Variants in ITPK1 observed in about 807,000 individuals in gnomAD.
ITPK1 encodes inositol-tetrakisphosphate 1-kinase, also known as inositol 1,3,4-trisphosphate 5/6-kinase.
ITPK1 carries 21 observed loss-of-function variants against 45.3 expected under a neutral mutation model. The observed-to-expected ratio is 0.46, with a 90% CI of 0.33 to 0.67. ITPK1 has a LOEUF of 0.67. Ranked by LOEUF, ITPK1 falls within the 30% of genes least tolerant of loss-of-function variation. The pLI is 0.02. For missense variants in ITPK1, 474 were observed against 573.5 expected (o/e 0.83, Z 1.77); for synonymous variants, 258 against 253.6 (o/e 1.02, Z -0.16).
At chr14:93,020,798 TTCCTTG>T (rs1466938303) in intron 3 of ITPK1, among the ~76,000 whole-genome samples, 1 of 152,092 alleles carries the variant, frequency 6.6e-6, no homozygotes, top group Admixed American at 6.6e-5. Context: ...GAACCTCAGT[TTCCTTG>T]TCTTTAAAGC....
chr14:92,986,353 AG>A lies in ITPK1; in HGVS notation c.364+7526del, dbSNP rs547472248. Among the ~76,000 whole-genome samples, 29 of 152,302 alleles carry A rather than the reference AG, an allele frequency of 1.9e-4. No homozygotes were observed. The East Asian group carries it at 4.6e-3, about 24-fold the overall frequency. On this transcript the variant is annotated intron_variant, in intron 5 of 10. Transcript: ENST00000267615. Reference sequence around the variant, plus strand: ...GGGAGCCAGGAGACTCAGTGTGAGTAGGGGGAAGAAAGCCTGGGAGTGGAGT... The same window carrying A: ...GGGAGCCAGGAGACTCAGTGTGAGTAGGGGAAGAAAGCCTGGGAGTGGAGT...
chr14:93,015,635 G>A (rs925594150), intron 4 of ITPK1, among the ~76,000 whole-genome samples: 2 of 152,242 alleles, frequency 1.3e-5, no homozygotes, highest in African/African-American at 4.8e-5. Context: ...AGGGCACAAC[G>A]TGGGACATGC....
intron 5 of ITPK1, among the ~76,000 whole-genome samples, chr14:92,975,733 A>G (rs113852185): frequency 0.016 from 2,456 of 152,290 alleles, 80 homozygotes; most frequent in African/African-American, 0.057. Context: ...AAGCTGGGAC[A>G]TCAGTCTCCT....
At chr14:93,050,339 T>G (rs1283552598) in intron 3 of ITPK1, among the ~76,000 whole-genome samples, 1 of 152,128 alleles carries the variant, frequency 6.6e-6, no homozygotes, top group Non-Finnish European at 1.5e-5. Context: ...TCCACTCCCC[T>G]ACCTGGCTGC....
chr14:93,073,919 C>A (rs1392063532), intron 3 of ITPK1, among the ~76,000 whole-genome samples: 1 of 152,176 alleles, frequency 6.6e-6, no homozygotes, highest in Non-Finnish European at 1.5e-5. Context: ...ACACAGGAAA[C>A]ACAGGAAGAC....
intron 5 of ITPK1, among the ~76,000 whole-genome samples, chr14:92,988,233 C>T (rs993680743): frequency 7.9e-5 from 12 of 152,320 alleles, no homozygotes; most frequent in Admixed American, 7.8e-4. Context: ...CTCACCTCAG[C>T]CCTGTGGTCT....
chr14:93,009,110 A>G (rs551087435), intron 4 of ITPK1, among the ~76,000 whole-genome samples: 27 of 152,286 alleles, frequency 1.8e-4, no homozygotes, highest in African/African-American at 6.5e-4. Flanking sequence ...GGCATCTGGT[A>G]ATGAGCAGCC....
chr14:93,106,760 C>G (rs887078350), intron 2 of ITPK1, among the ~76,000 whole-genome samples: 2 of 152,160 alleles, frequency 1.3e-5, no homozygotes, highest in Non-Finnish European at 2.9e-5. Flanking sequence ...CAGCACAGGC[C>G]TGGCCAGGGC....
chr14:93,115,297 C>G lies in ITPK1; in HGVS notation c.-134G>C. ...CGCGGAACGGGGATCGGAGCTGGGG[C>G]GCGCAGTCCTGCCGCGCGGAGCGGA... is the stretch of plus-strand genomic sequence containing the variant. On this transcript the variant is annotated 5_prime_UTR_variant, in exon 2 of 11. Coordinates refer to ENST00000267615, the MANE Select transcript of ITPK1 (RefSeq NM_014216.6). The G allele has an allele frequency of 2.0e-6, 1 of 495,588 alleles. No individual in the cohort carries two copies. The highest frequency in any genetic ancestry group is 3.5e-6 in the Non-Finnish European group (1 of 287,510). The allele number at this position is 495,588 out of a possible 1,614,324, so 30.7% of individuals were successfully genotyped here. A position where few individuals can be genotyped will look rare whatever the true frequency, so the allele number is the denominator to read the frequency against.
At chr14:93,002,956 G>A (rs946843279) in intron 4 of ITPK1, among the ~76,000 whole-genome samples, 6 of 152,210 alleles carry the variant, frequency 3.9e-5, no homozygotes, top group African/African-American at 1.4e-4. Context: ...CAAGACAGAT[G>A]AAAGCAAATG....
At chr14:93,100,685 C>A (rs944324446) in intron 2 of ITPK1, among the ~76,000 whole-genome samples, 3 of 152,092 alleles carry the variant, frequency 2.0e-5, no homozygotes, top group Non-Finnish European at 4.4e-5. Context: ...CCTTTATTAC[C>A]GAACCCGCTC....
At chr14:92,991,342 C>T (rs974185475) in intron 5 of ITPK1, among the ~76,000 whole-genome samples, 56 of 152,088 alleles carry the variant, frequency 3.7e-4, no homozygotes, top group African/African-American at 1.2e-3. Flanking sequence ...CTCTGACCGC[C>T]CTCCTGGAAG....
At position 92,957,729 on chromosome 14, in the gene ITPK1, G is replaced by A. The variant is rs1884818261; in HGVS notation, c.670+472C>T. Among the ~76,000 whole-genome samples, 3 of 152,232 alleles carry A rather than the reference G, an allele frequency of 2.0e-5. No individual in the cohort carries two copies. The South Asian group carries it at 6.2e-4, about 31-fold the overall frequency. On this transcript the variant is annotated intron_variant, in intron 8 of 10. Transcript: ENST00000267615. ...TCTCACAGTCTGATTTACCCTGGCA[G>A]CTATGCAGGTAGCAGCAGGCAACTC... is the stretch of plus-strand genomic sequence containing the variant.
intron 3 of ITPK1, chr14:93,071,445 C>T (rs1890998667): frequency 1.3e-5 from 2 of 152,180 alleles, no homozygotes; most frequent in South Asian, 4.1e-4. Flanking sequence ...CAAACCAAAC[C>T]CCCACAAAAT....
intron 2 of ITPK1, among the ~76,000 whole-genome samples, chr14:93,094,682 T>C (rs1891995427): frequency 6.6e-6 from 1 of 152,218 alleles, no homozygotes; most frequent in Non-Finnish European, 1.5e-5. Flanking sequence ...CTCCACGTTC[T>C]TCACCACTTG....
intron 2 of ITPK1, among the ~76,000 whole-genome samples, chr14:93,078,128 C>T (rs187432595): frequency 3.0e-4 from 45 of 152,352 alleles, no homozygotes; most frequent in Middle Eastern, 3.4e-3. Context: ...TTTAGCTCAG[C>T]TCCTGGGCCC....
chr14:93,002,240 C>T (rs898259439), intron 4 of ITPK1, among the ~76,000 whole-genome samples: 1 of 152,136 alleles, frequency 6.6e-6, no homozygotes, highest in Non-Finnish European at 1.5e-5. Context: ...ACTCAGGAGG[C>T]TGAGGTGGGA....
chr14:93,111,165 A>C (rs540648798), intron 2 of ITPK1, among the ~76,000 whole-genome samples: 1 of 152,338 alleles, frequency 6.6e-6, no homozygotes, highest in African/African-American at 2.4e-5. Flanking sequence ...CAAATTTTAT[A>C]TGGAAAGCTT....
chr14:92,971,659 G>A (rs1885660070), intron 5 of ITPK1, among the ~76,000 whole-genome samples: 1 of 152,240 alleles, frequency 6.6e-6, no homozygotes, highest in African/African-American at 2.4e-5. Context: ...GACACTGCAG[G>A]GAGGAAGCTG....
Sources: gnomAD v4.1 joint callset for allele counts (sites outside exome capture counted in the v4.1 genomes callset) on GRCh38, gnomAD v4.1.1 for gene constraint, MANE v1.5 for transcripts, NCBI Gene and HGNC (gene_info 2026-07-23, HGNC 2026-07-21) for gene names.